Variants in LSAMP observed in about 807,000 individuals in gnomAD.
The protein encoded by LSAMP is limbic system associated membrane protein.
A neutral mutation model predicts 38.6 loss-of-function variants in LSAMP; 7 were observed. The observed-to-expected ratio is 0.18, with a 90% CI of 0.10 to 0.34. The LOEUF (loss-of-function observed/expected upper bound fraction) is 0.34. LSAMP is among the 10% of genes least tolerant of loss of function. LSAMP has a pLI of 1.00. For missense variants in LSAMP, 313 were observed against 420.0 expected, an observed-to-expected ratio of 0.75 and a Z score of 2.23; for synonymous variants, 154 against 166.8, an observed-to-expected ratio of 0.92 and a Z score of 0.59.
chr3:116,168,006 C>T (rs1710101996), intron 1 of LSAMP, among the ~76,000 whole-genome samples: 1 of 152,128 alleles, frequency 6.6e-6, no homozygotes, highest in Non-Finnish European at 1.5e-5. Flanking sequence ...AGAAGGAAAA[C>T]CAACTCTGTC....
At chr3:116,203,560 C>A (rs990738882) in intron 1 of LSAMP, among the ~76,000 whole-genome samples, 1 of 127,892 alleles carries the variant, frequency 7.8e-6, no homozygotes, top group African/African-American at 2.9e-5. Flanking sequence ...ACCCCCCACC[C>A]CACCACAGTC....
At chr3:116,284,167 T>C (rs1262597085) in intron 1 of LSAMP, among the ~76,000 whole-genome samples, 1 of 152,150 alleles carries the variant, frequency 6.6e-6, no homozygotes, top group Non-Finnish European at 1.5e-5. Flanking sequence ...TAAAGGTGAT[T>C]AGGAGGCTGA....
At chr3:116,003,994 T>C (rs956041923) in intron 3 of LSAMP, among the ~76,000 whole-genome samples, 2 of 152,186 alleles carry the variant, frequency 1.3e-5, no homozygotes, top group Non-Finnish European at 2.9e-5. Flanking sequence ...AGTTAGTTGA[T>C]GGTGCAGATG....
chr3:115,948,611 C>G (rs1191700063), intron 3 of LSAMP, among the ~76,000 whole-genome samples: 1 of 152,062 alleles, frequency 6.6e-6, no homozygotes, highest in Non-Finnish European at 1.5e-5. Context: ...TTATCAAATC[C>G]TGTGGGATAC....
At chr3:116,305,076 T>C (rs1041697686) in intron 1 of LSAMP, among the ~76,000 whole-genome samples, 11 of 152,100 alleles carry the variant, frequency 7.2e-5, no homozygotes, top group Non-Finnish European at 1.5e-4. Context: ...TAAAGAAAGA[T>C]CAAGAACAGG....
intron 1 of LSAMP, among the ~76,000 whole-genome samples, chr3:116,310,322 C>T (rs989697963): frequency 6.6e-6 from 1 of 152,172 alleles, no homozygotes; most frequent in Non-Finnish European, 1.5e-5. Flanking sequence ...CTTGCAGCAG[C>T]AGGTGAGAGT....
intron 1 of LSAMP, among the ~76,000 whole-genome samples, chr3:116,388,151 G>A (rs1002579894): frequency 3.9e-5 from 6 of 151,988 alleles, no homozygotes; most frequent in Non-Finnish European, 8.8e-5. Flanking sequence ...TGCTGAAGAT[G>A]GTGTAGTAGT....
At chr3:115,970,559 G>C (rs895667523) in intron 3 of LSAMP, among the ~76,000 whole-genome samples, 1 of 152,130 alleles carries the variant, frequency 6.6e-6, no homozygotes, top group Non-Finnish European at 1.5e-5. Flanking sequence ...TAGTGTACTT[G>C]GGGCTGTCTA....
intron 5 of LSAMP, 100 bp downstream of exon 5, chr3:115,842,358 A>G: frequency 7.0e-7 from 1 of 1,433,160 alleles, no homozygotes; most frequent in Non-Finnish European, 9.4e-7. Context: ...ATATAGTTCT[A>G]CATAATTACA....
intron 3 of LSAMP, among the ~76,000 whole-genome samples, chr3:115,929,757 G>T (rs561744202): frequency 6.6e-6 from 1 of 152,080 alleles, no homozygotes; most frequent in East Asian, 1.9e-4. Flanking sequence ...GAGATTCACA[G>T]GGCTAGTTCT....
At chr3:115,810,568 A>T (rs1933791916) in intron 6 of LSAMP, among the ~76,000 whole-genome samples, 154 bp from the exon 7 acceptor site, 1 of 152,158 alleles carries the variant, frequency 6.6e-6, no homozygotes, top group African/African-American at 2.4e-5. Flanking sequence ...AGCGCTCAAA[A>T]CTTTTCTAAA....
At chr3:116,231,425 C>A (rs1453811695) in intron 1 of LSAMP, among the ~76,000 whole-genome samples, 1 of 152,152 alleles carries the variant, frequency 6.6e-6, no homozygotes, top group East Asian at 1.9e-4. Flanking sequence ...GACACAACTT[C>A]TTTTAAATTA....
intron 2 of LSAMP, among the ~76,000 whole-genome samples, chr3:116,065,692 T>C (rs1308603319): frequency 6.6e-6 from 1 of 152,230 alleles, no homozygotes; most frequent in African/African-American, 2.4e-5. Flanking sequence ...CAGATGGCTA[T>C]TTCCTTGCCA....
At chr3:116,138,469 TA>T (rs1181557955) in intron 1 of LSAMP, among the ~76,000 whole-genome samples, 3 of 152,184 alleles carry the variant, frequency 2.0e-5, no homozygotes, top group Middle Eastern at 6.8e-3. Flanking sequence ...AGCAATTTTC[TA>T]AAGATTGACG....
intron 3 of LSAMP, among the ~76,000 whole-genome samples, chr3:115,909,007 G>T (rs1937076968): frequency 6.6e-6 from 1 of 152,028 alleles, no homozygotes. Flanking sequence ...ATAACTTTTG[G>T]CTTTTTCTCA....
At chr3:115,851,316 G>C (rs2107521337) in intron 4 of LSAMP, among the ~76,000 whole-genome samples, 1 of 152,206 alleles carries the variant, frequency 6.6e-6, no homozygotes, top group East Asian at 1.9e-4. Context: ...GTAGGTATGT[G>C]GAATTGCAAA....
intron 1 of LSAMP, among the ~76,000 whole-genome samples, chr3:116,117,410 C>G (rs1708776974): frequency 6.6e-6 from 1 of 152,256 alleles, no homozygotes; most frequent in East Asian, 1.9e-4. Flanking sequence ...CCCATAAACC[C>G]CATGCCAATT....
At chr3:116,099,993 T>C (rs1920379) in intron 1 of LSAMP, among the ~76,000 whole-genome samples, 38,510 of 150,960 alleles carry the variant, frequency 0.26, 6,016 homozygotes, top group African/African-American at 0.45. Context: ...CCACTTTACT[T>C]TGGTTCTTCT....
chr3:116,395,596 A>G (rs1320024507), intron 1 of LSAMP, among the ~76,000 whole-genome samples: 1 of 152,244 alleles, frequency 6.6e-6, no homozygotes, highest in Non-Finnish European at 1.5e-5. Context: ...GCAAGCAAGC[A>G]CAAATCCTGT....
Sources: allele counts gnomAD v4.1 joint callset (sites outside exome capture counted in the v4.1 genomes callset), GRCh38; gene constraint gnomAD v4.1.1; transcripts MANE v1.5; gene names NCBI Gene and HGNC (gene_info 2026-07-23, HGNC 2026-07-21).